Variants in ALG11 observed in about 807,000 individuals in gnomAD.
ALG11 encodes ALG11 alpha-1,2-mannosyltransferase.
A neutral mutation model predicts 38.8 loss-of-function variants in ALG11; 26 were observed. The observed-to-expected ratio is 0.67, with a 90% CI of 0.49 to 0.93. The LOEUF is 0.93. Among genes scored for constraint, ALG11 ranks in the 40% least tolerant of loss-of-function variants. The pLI, the probability that ALG11 is intolerant of heterozygous loss-of-function variation, is 0.00. For missense variants in ALG11, 535 were observed against 578.8 expected (o/e 0.92, Z 0.78); for synonymous variants, 199 against 211.6 (o/e 0.94, Z 0.52).
chr13:52,033,185 A>T lies in ALG11; in HGVS notation c.*4595A>T, dbSNP rs183356568. 3 of 167,156 alleles carry T rather than the reference A, an allele frequency of 1.8e-5. No individual in the cohort carries two copies. The highest frequency in any genetic ancestry group is 3.9e-4 in the East Asian group (2 of 5,194). 10.4% of individuals were successfully genotyped at this position (167,156 alleles called of 1,614,324 possible). A position where few individuals can be genotyped will look rare whatever the true frequency, so the allele number is the denominator to read the frequency against. ...CTGAATGATAGCATGAAAAGTGTCA[A>T]AGTGGTTTGTCCGCTAGCGTCTGTC... On this transcript the variant is annotated 3_prime_UTR_variant, in exon 4 of 4. Coordinates refer to ENST00000521508, the MANE Select transcript of ALG11 (RefSeq NM_001004127.3).
chr13:52,028,840 G>C lies in ALG11; in HGVS notation c.*250G>C, dbSNP rs1344808372. 1.7e-5 allele frequency: 27 copies of C among 1,614,144 alleles called. No homozygotes were observed. Among genetic ancestry groups the C allele is most frequent in the Non-Finnish European group, 2.2e-5 (26 of 1,180,068 alleles). On this transcript the variant is annotated 3_prime_UTR_variant, in exon 4 of 4. Coordinates refer to ENST00000521508, the MANE Select transcript of ALG11 (RefSeq NM_001004127.3). ...ACCAGGTTGCAGAGAATCTGGCTTTGAGCCACCAGGAAGAACTAGTGGATT... is the reference window on the plus strand; with the variant it reads ...ACCAGGTTGCAGAGAATCTGGCTTTCAGCCACCAGGAAGAACTAGTGGATT...
In ALG11 at chr13:52,012,444, G is replaced by T. The variant is rs200041400; in HGVS notation, c.26G>T (p.Cys9Phe). The change falls in exon 1 of 4, where the codon TGC (cysteine) becomes TTC (phenylalanine). Residue 9 changes from cysteine to phenylalanine, a missense_variant. Coordinates refer to ENST00000521508, the MANE Select transcript of ALG11 (RefSeq NM_001004127.3). MAAGERSW[C>F]LCKLLRFFYS... ...ATGGCGGCCGGCGAAAGGAGCTGGT[G>T]CCTGTGCAAGTTGTTGAGGTGAGCA... The T allele has an allele frequency of 1.3e-4, 207 of 1,614,100 alleles. No individual in the cohort carries two copies. The highest frequency in any genetic ancestry group is 2.1e-4 in the South Asian group (19 of 91,028).
At position 52,024,631 on chromosome 13, in the gene ALG11, C is replaced by T. The variant is rs1377498548; in HGVS notation, c.901C>T (p.His301Tyr). 1 of 1,613,846 alleles carries T rather than the reference C, an allele frequency of 6.2e-7. No individual in the cohort carries two copies. Residue 301 changes from histidine to tyrosine, a missense_variant, in exon 3 of 4, where the codon CAT becomes TAT. Physicochemically the swap from His to Tyr is moderately conservative, Grantham distance 83 (BLOSUM62 2). Coordinates refer to ENST00000521508, the MANE Select transcript of ALG11 (RefSeq NM_001004127.3). ...PLHEKKMTPG[H>Y]LLVSVGQFRP... The stretch of plus-strand genomic sequence containing the variant: ...ACATGAGAAAAAGATGACCCCAGGA[C>T]ATTTGCTGGTTTCTGTTGGCCAGTT...
intron 1 of ALG11, among the ~76,000 whole-genome samples, chr13:52,014,495 A>G (rs1298220959): frequency 3.3e-5 from 5 of 152,062 alleles, no homozygotes; most frequent in African/African-American, 1.2e-4. Flanking sequence ...TGCCCTTCGC[A>G]AGACATTTGG....
At chr13:52,021,328 G>A (rs190156628) in intron 2 of ALG11, 60 of 152,326 alleles carry the variant, frequency 3.9e-4, no homozygotes, top group Admixed American at 3.6e-3. Context: ...ATTTGACAAA[G>A]AAGAAAACTG....
In ALG11 at chr13:52,030,290, G is replaced by C; in HGVS notation, c.*1700G>C. On this transcript the variant is annotated 3_prime_UTR_variant, in exon 4 of 4. Coordinates refer to ENST00000521508, the MANE Select transcript of ALG11 (RefSeq NM_001004127.3). Reference sequence around the variant, plus strand: ...AGAGGAACCTGCCCCAGAAGAAGCGGAACCCCTATTGCTACAGAGGTCAGA... The same window carrying C: ...AGAGGAACCTGCCCCAGAAGAAGCGCAACCCCTATTGCTACAGAGGTCAGA... 3 of 1,614,206 alleles carry C rather than the reference G, an allele frequency of 1.9e-6. 1 individual carries two copies. Among genetic ancestry groups the C allele is most frequent in the Non-Finnish European group, 2.5e-6 (3 of 1,180,042 alleles).
At position 52,031,669 on chromosome 13, in the gene ALG11, A is replaced by C. The variant is rs928829360; in HGVS notation, c.*3079A>C. ...GATGATATGATATACAGATACATCC[A>C]CAGGGTATCTATTACCAGCATAATG... On this transcript the variant is annotated 3_prime_UTR_variant, in exon 4 of 4. Coordinates refer to ENST00000521508, the MANE Select transcript of ALG11 (RefSeq NM_001004127.3). 1.2e-5 allele frequency: 2 copies of C among 168,858 alleles called. No homozygotes were observed. Among genetic ancestry groups the C allele is most frequent in the Non-Finnish European group, 2.9e-5 (2 of 69,306 alleles). The allele number at this position is 168,858 out of a possible 1,614,324, so 10.5% of individuals were successfully genotyped here.
Position 52,024,487 on chromosome 13 carries a change from G to A in ALG11, c.757G>A (p.Val253Ile). The part of the protein sequence containing the change: ...IYGLVGSCSD[V>I]VMVNSSWTLN... ...TGGACTTGTTGGTTCTTGCAGTGAT[G>A]TAGTCATGGTCAATTCTTCTTGGAC... The change falls in exon 3 of 4, where the codon GTA (valine) becomes ATA (isoleucine). Residue 253 changes from valine (V) to isoleucine (I), a missense_variant. Physicochemically the swap from Val to Ile is conservative, Grantham distance 29. Transcript: ENST00000521508. 1 of 1,614,170 alleles carries A rather than the reference G, an allele frequency of 6.2e-7. No individual in the cohort carries two copies. Among genetic ancestry groups the A allele is most frequent in the Non-Finnish European group, 8.5e-7 (1 of 1,180,022 alleles).
Position 52,012,760 on chromosome 13 carries a change from A to G in ALG11, c.44+298A>G, listed in dbSNP as rs567122410. 2.6e-5 allele frequency among the ~76,000 whole-genome samples: 4 copies of G among 151,980 alleles called. No homozygotes were observed. The East Asian group carries it at 7.7e-4, about 29-fold the overall frequency. ...TTTCACACTCCAGTTAGTCTGTCAT[A>G]AATTATTCATATTCATTCCTTATTT... is the stretch of plus-strand genomic sequence containing the variant. On this transcript the variant is annotated intron_variant, in intron 1 of 3. Transcript: ENST00000521508.
At position 52,029,092 on chromosome 13, in the gene ALG11, A is replaced by G. The variant is rs1566711099; in HGVS notation, c.*502A>G. 3 of 1,614,282 alleles carry G rather than the reference A, an allele frequency of 1.9e-6. No homozygotes were observed. The highest frequency in any genetic ancestry group is 1.3e-5 in the African/African-American group (1 of 75,076). On this transcript the variant is annotated 3_prime_UTR_variant, in exon 4 of 4. Coordinates refer to ENST00000521508, the MANE Select transcript of ALG11 (RefSeq NM_001004127.3). ...ATCTGCTTGAGCCCGTTAAAACTTC[A>G]TCTTCTTTGGCCACTGTAAAAAAGC...
chr13:52,018,138 T>G (rs1954150730), intron 1 of ALG11, among the ~76,000 whole-genome samples: 1 of 152,304 alleles, frequency 6.6e-6, no homozygotes, highest in South Asian at 2.1e-4. Context: ...CCGTCATATA[T>G]TCATTGGATG....
chr13:52,024,927 T>C lies in ALG11; in HGVS notation c.1197T>C (p.His399=), dbSNP rs1418984574. 5 of 1,609,098 alleles carry C rather than the reference T, an allele frequency of 3.1e-6. No individual in the cohort carries two copies. The highest frequency in any genetic ancestry group is 2.2e-5 in the East Asian group (1 of 44,882). Residue 399 remains histidine, a synonymous_variant, in exon 3 of 4, where the codon CAT becomes CAC. Transcript: ENST00000521508. ...GTCTGCATACCATGTGGAACGAGCA[T>C]TTTGGGATTGGTGAGTTTGGCCTTT... ...TIGLHTMWNE[H]FGIGVVECMA...
At chr13:52,022,867 T>G (rs1235321626) in intron 2 of ALG11, 2 of 152,218 alleles carry the variant, frequency 1.3e-5, no homozygotes, top group African/African-American at 4.8e-5. Flanking sequence ...CCACACATAT[T>G]GGTCAGGCTG....
rs1423794884 is a variant in ALG11 at position 52,031,380 on chromosome 13, T to C, written c.*2790T>C. The C allele has an allele frequency of 2.1e-5, 9 of 435,996 alleles. No individual in the cohort carries two copies. The East Asian group carries it at 3.4e-4, about 16-fold the overall frequency. The allele number at this position is 435,996 out of a possible 1,614,324, so 27.0% of individuals were successfully genotyped here. On this transcript the variant is annotated 3_prime_UTR_variant, in exon 4 of 4. Transcript: ENST00000521508. ...CCTAATGATTTCCTTAAAAAAGAAA[T>C]TTTAAACAGACTTGTTTAATCGTGT...
chr13:52,020,026 G>A (rs1954171311), intron 2 of ALG11, among the ~76,000 whole-genome samples: 1 of 152,202 alleles, frequency 6.6e-6, no homozygotes, highest in South Asian at 2.1e-4. Context: ...CCCCTTGGGA[G>A]AGCATATACA....
chr13:52,013,086 G>C (rs1375489534), intron 1 of ALG11, among the ~76,000 whole-genome samples: 1 of 152,172 alleles, frequency 6.6e-6, no homozygotes, highest in African/African-American at 2.4e-5. Flanking sequence ...CCCCAGGAAT[G>C]CTACCATCCG....
rs1954305789 is a variant in ALG11, at chr13:52,031,578, C to T, written c.*2988C>T. 1 of 173,892 alleles carries T rather than the reference C, an allele frequency of 5.8e-6. No homozygotes were observed. Among genetic ancestry groups the T allele is most frequent in the Non-Finnish European group, 1.4e-5 (1 of 71,894 alleles). 10.8% of individuals were successfully genotyped at this position (173,892 alleles called of 1,614,324 possible). ...GGTCTCTCATTGTCCCTTAACAGTG[C>T]CGCATCTCAGCCTGGAAGTCAGCTT... On this transcript the variant is annotated 3_prime_UTR_variant, in exon 4 of 4. Coordinates refer to ENST00000521508, the MANE Select transcript of ALG11 (RefSeq NM_001004127.3).
At position 52,029,106 on chromosome 13, in the gene ALG11, C is replaced by G. The variant is rs1239318358; in HGVS notation, c.*516C>G. Reference sequence around the variant, plus strand: ...GTTAAAACTTCATCTTCTTTGGCCACTGTAAAAAAGCAACTGAATAGAGTC... The same window carrying G: ...GTTAAAACTTCATCTTCTTTGGCCAGTGTAAAAAAGCAACTGAATAGAGTC... On this transcript the variant is annotated 3_prime_UTR_variant, in exon 4 of 4. Coordinates refer to ENST00000521508, the MANE Select transcript of ALG11 (RefSeq NM_001004127.3). The G allele has an allele frequency of 6.2e-7, 1 of 1,614,170 alleles. No individual in the cohort carries two copies. The highest frequency in any genetic ancestry group is 2.2e-5 in the East Asian group (1 of 44,886).
chr13:52,028,512 T>C lies in ALG11; in HGVS notation c.1401T>C (p.Ala467=). The part of the protein sequence containing the change: ...AEKRLQIRKS[A]RASVSRFSDQ... ...AGAGACTCCAAATCAGAAAAAGTGC[T>C]CGTGCATCTGTAAGCAGATTCTCTG... is the stretch of plus-strand genomic sequence containing the variant. Residue 467 remains alanine (A), a synonymous_variant, in exon 4 of 4, where the codon GCT becomes GCC. Transcript: ENST00000521508. 2 of 1,614,234 alleles carry C rather than the reference T, an allele frequency of 1.2e-6. No homozygotes were observed. Among genetic ancestry groups the C allele is most frequent in the African/African-American group, 1.3e-5 (1 of 75,072 alleles).
Sources: gnomAD v4.1 joint callset for allele counts (sites outside exome capture counted in the v4.1 genomes callset) on GRCh38, gnomAD v4.1.1 for gene constraint, MANE v1.5 for transcripts, NCBI Gene and HGNC (gene_info 2026-07-23, HGNC 2026-07-21) for gene names.